CELSR3: variants seen among roughly 807,000 people sequenced by gnomAD.
CELSR3 encodes cadherin EGF LAG seven-pass G-type receptor 3.
In CELSR3, 73 loss-of-function variants were observed where a neutral mutation model predicts 270.0. That is an observed-to-expected ratio of 0.27 (90% CI 0.22 to 0.33). CELSR3 has a LOEUF of 0.33. CELSR3 is among the 10% of genes least tolerant of loss of function. The pLI is 1.00. For synonymous variants in CELSR3, 1,780 were observed against 1,905.4 expected, an observed-to-expected ratio of 0.93 and a Z score of 1.71; for missense variants, 3,614 against 4,533.8, an observed-to-expected ratio of 0.80 and a Z score of 5.83.
Position 48,661,170 on chromosome 3 carries a change from C to G in CELSR3, c.1465G>C (p.Asp489His). The G allele has an allele frequency of 6.3e-7, 1 of 1,599,490 alleles. No individual in the cohort carries two copies. Among genetic ancestry groups the G allele is most frequent in the Non-Finnish European group, 8.5e-7 (1 of 1,172,574 alleles). Residue 489 changes from aspartate to histidine, a missense_variant, in exon 1 of 35, where the codon GAT becomes CAT. Physicochemically the swap from Asp to His is moderately conservative, Grantham distance 81. Around this residue, in one of 7 missense-constraint regions of CELSR3, gnomAD observed 354 missense variants for 500.9 expected, o/e 0.71. Transcript: ENST00000164024. Reference protein sequence around the residue: ...RAAAAAAFEIDPRSGLISTSG... With the variant: ...RAAAAAAFEIHPRSGLISTSG... ...GTGCTGATGAGGCCGGAGCGTGGAT[C>G]AATCTCGAAGGCGGCGGCAGCTGCA...
In CELSR3 at chr3:48,648,470, A is replaced by G; in HGVS notation, c.6778-9T>C. ...CCGGCCCACAGCAGATTCTGGGAAG[A>G]CAGAGATAGAATTGGGTTCAGCCAG... On this transcript the variant is annotated splice_polypyrimidine_tract_variant and intron_variant, in intron 18 of 34. Coordinates refer to ENST00000164024, the MANE Select transcript of CELSR3 (RefSeq NM_001407.3). The G allele has an allele frequency of 3.9e-6, 6 of 1,531,950 alleles. No individual in the cohort carries two copies. The highest frequency in any genetic ancestry group is 5.3e-6 in the Non-Finnish European group (6 of 1,142,198). 94.9% of individuals were successfully genotyped at this position (1,531,950 alleles called of 1,614,324 possible).
chr3:48,652,101 C>T lies in CELSR3; in HGVS notation c.5752-53G>A. 1 of 1,461,826 alleles carries T rather than the reference C, an allele frequency of 6.8e-7. No homozygotes were observed. Among genetic ancestry groups the T allele is most frequent in the South Asian group, 1.4e-5 (1 of 70,818 alleles). 90.6% of individuals were successfully genotyped at this position (1,461,826 alleles called of 1,614,324 possible). A position where few individuals can be genotyped will look rare whatever the true frequency, so the allele number is the denominator to read the frequency against. On this transcript the variant is annotated intron_variant, in intron 11 of 34. Coordinates refer to ENST00000164024, the MANE Select transcript of CELSR3 (RefSeq NM_001407.3). The surrounding 1 kb of genome is among the most constrained non-coding windows in gnomAD (Gnocchi z 4.3). ...AGACCATGTTAAGGCACCTCAGCCT[C>T]AAGTACTGCAGAGCCAGCCACCCGG...
In CELSR3 at chr3:48,659,601, T is replaced by A; in HGVS notation, c.3034A>T (p.Ile1012Phe). The change falls in exon 1 of 35, where the codon ATT (isoleucine) becomes TTT (phenylalanine). Residue 1012 changes from isoleucine (I) to phenylalanine (F), a missense_variant. Physicochemically the swap from Ile to Phe is conservative, Grantham distance 21 (BLOSUM62 0). Around this residue, in one of 7 missense-constraint regions of CELSR3, gnomAD observed 1,331 missense variants for 1,933.7 expected, o/e 0.69. Transcript: ENST00000164024. This position sits in a 1 kb window ranked among gnomAD's most constrained non-coding sequence, Gnocchi z 8.1. ...CGGACAATTCCAGAGGTGGGCTCAA[T>A]GGTAAAATCTCCATCCCCATCTTCA... The part of the protein sequence containing the change: ...NGEDGDGDFT[I>F]EPTSGIVRTV... 6.2e-7 allele frequency: 1 copy of A among 1,614,178 alleles called. No individual in the cohort carries two copies. Among genetic ancestry groups the A allele is most frequent in the Non-Finnish European group, 8.5e-7 (1 of 1,180,032 alleles).
In CELSR3 at chr3:48,644,848, G is replaced by A; in HGVS notation, c.7973-20C>T. ...CAAGGCCTTGGGAAGAGAAAGGGTA[G>A]GACTGAGGGTGTGTGTTCCAGAGCT... On this transcript the variant is annotated intron_variant, in intron 25 of 34. Transcript: ENST00000164024. The surrounding 1 kb of genome is among the most constrained non-coding windows in gnomAD (Gnocchi z 4.8). The A allele has an allele frequency of 6.2e-7, 1 of 1,602,894 alleles. No homozygotes were observed. Among genetic ancestry groups the A allele is most frequent in the Non-Finnish European group, 8.5e-7 (1 of 1,171,522 alleles).
Position 48,662,147 on chromosome 3 carries a change from G to A in CELSR3, c.488C>T (p.Pro163Leu), listed in dbSNP as rs2077072420. ...LSPGALSSGV[P>L]GSGNSSPLPS... ...GAGGGGCGAGCTGTTCCCCGAGCCC[G>A]GGACCCCTGAGGACAGAGCCCCTGG... Residue 163 changes from proline to leucine, a missense_variant, in exon 1 of 35, where the codon CCG (proline) becomes CTG (leucine). Coordinates refer to ENST00000164024, the MANE Select transcript of CELSR3 (RefSeq NM_001407.3). This position sits in a 1 kb window ranked among gnomAD's most constrained non-coding sequence, Gnocchi z 7.1. 2 of 1,612,912 alleles carry A rather than the reference G, an allele frequency of 1.2e-6. No homozygotes were observed. The highest frequency in any genetic ancestry group is 1.7e-6 in the Non-Finnish European group (2 of 1,179,604).
rs1186463046 is a variant in CELSR3 at position 48,660,274 on chromosome 3, A to G, written c.2361T>C (p.Ser787=). ...SVTAVDRDAN[S]AISYQITGGN... ...CGCCTGTGATCTGGTAGCTGATGGC[A>G]CTGTTGGCATCACGGTCTACTGCGG... is the stretch of plus-strand genomic sequence containing the variant. Residue 787 remains serine (S), a synonymous_variant, in exon 1 of 35, where the codon AGT becomes AGC. Coordinates refer to ENST00000164024, the MANE Select transcript of CELSR3 (RefSeq NM_001407.3). This position sits in a 1 kb window ranked among gnomAD's most constrained non-coding sequence, Gnocchi z 5.5. 1.2e-6 allele frequency: 2 copies of G among 1,614,118 alleles called. No homozygotes were observed. Among genetic ancestry groups the G allele is most frequent in the Admixed American group, 3.3e-5 (2 of 60,010 alleles).
chr3:48,644,234 G>C lies in CELSR3; in HGVS notation c.8147C>G (p.Ala2716Gly). The change falls in exon 27 of 35, where the codon GCC becomes GGC. Residue 2716 changes from alanine (A) to glycine (G), a missense_variant. By Grantham distance (60) the Ala-to-Gly change is moderately conservative. Around this residue, in one of 7 missense-constraint regions of CELSR3, gnomAD observed 1,240 missense variants for 1,351.7 expected, o/e 0.92. Coordinates refer to ENST00000164024, the MANE Select transcript of CELSR3 (RefSeq NM_001407.3). This position sits in a 1 kb window ranked among gnomAD's most constrained non-coding sequence, Gnocchi z 4.8. ...AACTCACAGTGCAGAGGTCTTCTTG[G>C]CCTCCCTCTGCCCTGTGGAGCAGGA... ...RTSCSTGQREAKKTSALTLRS... is the reference protein window; with the variant it reads ...RTSCSTGQREGKKTSALTLRS... 6.2e-7 allele frequency: 1 copy of C among 1,612,974 alleles called. No individual in the cohort carries two copies.
Position 48,659,461 on chromosome 3 carries a change from C to G in CELSR3, c.3174G>C (p.Gln1058His). 6.2e-7 allele frequency: 1 copy of G among 1,614,228 alleles called. No individual in the cohort carries two copies. The highest frequency in any genetic ancestry group is 8.5e-7 in the Non-Finnish European group (1 of 1,180,054). The change falls in exon 1 of 35, where the codon CAG becomes CAC. Residue 1058 changes from glutamine to histidine, a missense_variant. Physicochemically the swap from Gln to His is conservative, Grantham distance 24. Coordinates refer to ENST00000164024, the MANE Select transcript of CELSR3 (RefSeq NM_001407.3). The surrounding 1 kb of genome is among the most constrained non-coding windows in gnomAD (Gnocchi z 8.1). The part of the protein sequence containing the change: ...RTPVSIQVMV[Q>H]DVNDNAPVFP... ...AGACAGGTGCATTGTCGTTCACATC[C>G]TGCACCATCACCTGGATACTGACTG...
At position 48,652,486 on chromosome 3, in the gene CELSR3, G is replaced by A; in HGVS notation, c.5702C>T (p.Pro1901Leu). 1.9e-6 allele frequency: 3 copies of A among 1,613,754 alleles called. No individual in the cohort carries two copies. The highest frequency in any genetic ancestry group is 1.7e-6 in the Non-Finnish European group (2 of 1,179,968). ...AGGAGCCTCCTCTGCACTGCCGGGG[G>A]GCAGGCCTCCCACGTGGAGCTGCTT... is the stretch of plus-strand genomic sequence containing the variant. ...KVKQLHVGGL[P>L]PGSAEEAPQG... Residue 1901 changes from proline (P) to leucine (L), a missense_variant, in exon 11 of 35, where the codon CCC becomes CTC. Around this residue, in one of 7 missense-constraint regions of CELSR3, gnomAD observed 1,331 missense variants for 1,933.7 expected, o/e 0.69. Transcript: ENST00000164024. This position sits in a 1 kb window ranked among gnomAD's most constrained non-coding sequence, Gnocchi z 4.3.
rs1393063545 is a variant in CELSR3 at position 48,657,156 on chromosome 3, T to C, written c.3941A>G (p.Asn1314Ser). ...CCCTACGTCTGTGTCGTTCTGGATG[T>C]TGAAGATGAAGACGTCCTCAGCGGG... ...ATPAEDVFIF[N>S]IQNDTDVGGT... Residue 1314 changes from asparagine (N) to serine (S), a missense_variant, in exon 2 of 35, where the codon AAC (asparagine) becomes AGC (serine). By Grantham distance (46) the Asn-to-Ser change is conservative (BLOSUM62 1). Transcript: ENST00000164024. The surrounding 1 kb of genome is among the most constrained non-coding windows in gnomAD (Gnocchi z 5.4). The C allele has an allele frequency of 4.3e-6, 7 of 1,613,886 alleles. No homozygotes were observed. The highest frequency in any genetic ancestry group is 1.6e-4 in the Middle Eastern group (1 of 6,084).
intron 19 of CELSR3, 24 bp from the exon 20 acceptor site, chr3:48,648,020 G>A: frequency 6.2e-7 from 1 of 1,610,226 alleles, no homozygotes; most frequent in Non-Finnish European, 8.5e-7. Context: ...AGAAAGGGGA[G>A]GCCCATCATG....
chr3:48,641,639 G>C lies in CELSR3; in HGVS notation c.8825-115C>G. 1 of 871,516 alleles carries C rather than the reference G, an allele frequency of 1.1e-6. No individual in the cohort carries two copies. The highest frequency in any genetic ancestry group is 1.7e-5 in the South Asian group (1 of 59,326). The allele number at this position is 871,516 out of a possible 1,614,324, so 54.0% of individuals were successfully genotyped here. A position where few individuals can be genotyped will look rare whatever the true frequency, so the allele number is the denominator to read the frequency against. On this transcript the variant is annotated intron_variant, in intron 32 of 34. Transcript: ENST00000164024. The surrounding 1 kb of genome is among the most constrained non-coding windows in gnomAD (Gnocchi z 4.8). Reference sequence around the variant, plus strand: ...TTCTCATTGAGCAGAGGTGGGAACAGGAGGGTATCTCCTCAGAGATCAATG... The same window carrying C: ...TTCTCATTGAGCAGAGGTGGGAACACGAGGGTATCTCCTCAGAGATCAATG...
Position 48,642,269 on chromosome 3 carries a change from C to G in CELSR3, c.8665+89G>C. ...CTGGGGGAGATCGTCCCACCCCAGT[C>G]AGCCACTGCTCCCAGTATGGGGTAG... is the stretch of plus-strand genomic sequence containing the variant. On this transcript the variant is annotated intron_variant, in intron 31 of 34. Transcript: ENST00000164024. This position sits in a 1 kb window ranked among gnomAD's most constrained non-coding sequence, Gnocchi z 6.1. 3.6e-6 allele frequency: 5 copies of G among 1,384,000 alleles called. No individual in the cohort carries two copies. The South Asian group carries it at 5.6e-5, about 15-fold the overall frequency. The allele number at this position is 1,384,000 out of a possible 1,614,324, so 85.7% of individuals were successfully genotyped here.
Position 48,652,324 on chromosome 3 carries a change from T to C in CELSR3, c.5751+113A>G. On this transcript the variant is annotated intron_variant, in intron 11 of 34. Transcript: ENST00000164024. This position sits in a 1 kb window ranked among gnomAD's most constrained non-coding sequence, Gnocchi z 4.3. ...GACCTAGCTCTCAACTCTGGGTCAT[T>C]CACCCCCTCGCACCAACCCCCACTT... is the stretch of plus-strand genomic sequence containing the variant. The C allele has an allele frequency of 1.1e-6, 1 of 911,232 alleles. No individual in the cohort carries two copies. 56.4% of individuals were successfully genotyped at this position (911,232 alleles called of 1,614,324 possible).
rs781143538 is a variant in CELSR3, at chr3:48,662,663, C to T, written c.-29G>A. On this transcript the variant is annotated 5_prime_UTR_variant, in exon 1 of 35. Transcript: ENST00000164024. This position sits in a 1 kb window ranked among gnomAD's most constrained non-coding sequence, Gnocchi z 7.1. ...CCGCCTCCCTGCACGGCCTCCACCG[C>T]CCCCCGCCCCGGTCCGGGCCTTGGG... The T allele has an allele frequency of 2.2e-5, 26 of 1,165,290 alleles. No homozygotes were observed. The highest frequency in any genetic ancestry group is 2.9e-5 in the Non-Finnish European group (26 of 881,656). The allele number at this position is 1,165,290 out of a possible 1,614,324, so 72.2% of individuals were successfully genotyped here.
At chr3:48,649,813 C>T (rs1157266305) in intron 16 of CELSR3, among the ~76,000 whole-genome samples, 3 of 152,118 alleles carry the variant, frequency 2.0e-5, no homozygotes, top group Admixed American at 1.3e-4. Flanking sequence ...CACAGAATCC[C>T]CTCCCCGCAA....
rs140589198 is a variant in CELSR3, at chr3:48,645,118, A to G, written c.7889T>C (p.Met2630Thr). 3.7e-6 allele frequency: 6 copies of G among 1,605,946 alleles called. No homozygotes were observed. The African/African-American group carries it at 6.7e-5, about 18-fold the overall frequency. ...LFVQGLHLYR[M>T]QVEPRNVDRG... ...GTCCACGTTGCGTGGCTCAACCTGC[A>G]TGCGGTAGAGGTGCAGCCCCTGCAC... The change falls in exon 25 of 35, where the codon ATG (methionine) becomes ACG (threonine). Residue 2630 changes from methionine (M) to threonine (T), a missense_variant. Physicochemically the swap from Met to Thr is moderately conservative, Grantham distance 81. Around this residue, in one of 7 missense-constraint regions of CELSR3, gnomAD observed 1,240 missense variants for 1,351.7 expected, o/e 0.92. Coordinates refer to ENST00000164024, the MANE Select transcript of CELSR3 (RefSeq NM_001407.3). The surrounding 1 kb of genome is among the most constrained non-coding windows in gnomAD (Gnocchi z 5.4).
rs370659472 is a variant in CELSR3, at chr3:48,660,303, C to T, written c.2332G>A (p.Val778Met). 1.7e-5 allele frequency: 28 copies of T among 1,614,038 alleles called. No individual in the cohort carries two copies. The highest frequency in any genetic ancestry group is 4.0e-5 in the African/African-American group (3 of 74,914). The part of the protein sequence containing the change: ...DAAVGTSVVS[V>M]TAVDRDANSA... ...TTGGCATCACGGTCTACTGCGGTCACGCTGACCACACTGGTGCCCACAGCT... is the reference window on the plus strand; with the variant it reads ...TTGGCATCACGGTCTACTGCGGTCATGCTGACCACACTGGTGCCCACAGCT... The change falls in exon 1 of 35, where the codon GTG (valine) becomes ATG (methionine). Residue 778 changes from valine (V) to methionine (M), a missense_variant. This residue lies in a region of CELSR3 where 215 missense variants were observed against 241.2 expected (regional missense o/e 0.89). Transcript: ENST00000164024. The surrounding 1 kb of genome is among the most constrained non-coding windows in gnomAD (Gnocchi z 5.5).
rs1482851871 is a variant in CELSR3, at chr3:48,659,657, T to C, written c.2978A>G (p.Asn993Ser). 6.2e-7 allele frequency: 1 copy of C among 1,614,224 alleles called. No individual in the cohort carries two copies. The highest frequency in any genetic ancestry group is 8.5e-7 in the Non-Finnish European group (1 of 1,180,038). The change falls in exon 1 of 35, where the codon AAT (asparagine) becomes AGT (serine). Residue 993 changes from asparagine to serine, a missense_variant. Transcript: ENST00000164024. This position sits in a 1 kb window ranked among gnomAD's most constrained non-coding sequence, Gnocchi z 8.1. ...ISATDRDAHA[N>S]GRVQYTFQNG... Reference sequence around the variant, plus strand: ...CTGGAAAGTGTACTGGACCCGGCCATTGGCATGAGCATCCCGGTCAGTGGC... The same window carrying C: ...CTGGAAAGTGTACTGGACCCGGCCACTGGCATGAGCATCCCGGTCAGTGGC...
Sources: allele counts gnomAD v4.1 joint callset (sites outside exome capture counted in the v4.1 genomes callset), GRCh38; gene constraint gnomAD v4.1.1; regional missense constraint gnomAD v4.1.1; non-coding constraint Gnocchi (gnomAD v3.1); transcripts MANE v1.5; gene names NCBI Gene and HGNC (gene_info 2026-07-23, HGNC 2026-07-21).